BCKDHB: variants seen among roughly 807,000 people sequenced by gnomAD.
The protein encoded by BCKDHB is branched chain keto acid dehydrogenase E1 subunit beta, also known as 2-oxoisovalerate dehydrogenase subunit beta, mitochondrial.
BCKDHB carries 41 observed loss-of-function variants against 48.5 expected under a neutral mutation model. That is an observed-to-expected ratio of 0.85 (90% CI 0.66 to 1.10). The LOEUF (loss-of-function observed/expected upper bound fraction) is 1.10. Ranked by LOEUF, BCKDHB falls within the 50% of genes least tolerant of loss-of-function variation. The probability of loss-of-function intolerance (pLI) is 0.00; values close to 1 mark genes in which losing one functional copy is unlikely to be tolerated. For synonymous variants in BCKDHB, 201 were observed against 174.8 expected (o/e 1.15, Z -1.18); for missense variants, 496 against 494.2 (o/e 1.00, Z -0.03).
rs975166816 is a variant in BCKDHB, at chr6:80,345,000, A to C, written c.*1196A>C. The C allele has an allele frequency of 1.3e-5, 2 of 152,190 alleles. No homozygotes were observed. Among genetic ancestry groups the C allele is most frequent in the Middle Eastern group, 3.2e-3 (1 of 316 alleles). 9.4% of individuals were successfully genotyped at this position (152,190 alleles called of 1,614,324 possible). Reference sequence around the variant, plus strand: ...AAATTTTACCTGAAAACAAACAAACAAACCCTAAAACTCAGCACCACTACC... The same window carrying C: ...AAATTTTACCTGAAAACAAACAAACCAACCCTAAAACTCAGCACCACTACC... On this transcript the variant is annotated 3_prime_UTR_variant, in exon 10 of 10. Coordinates refer to ENST00000320393, the MANE Select transcript of BCKDHB (RefSeq NM_183050.4).
At chr6:80,377,585 C>T in the BCKDHB span, among the ~76,000 whole-genome samples, 1 of 152,120 alleles carries the variant, frequency 6.6e-6, no homozygotes, top group African/African-American at 2.4e-5. Flanking sequence ...TATTTCACCA[C>T]CATTTCTTTC....
intron 6 of BCKDHB, among the ~76,000 whole-genome samples, chr6:80,199,802 G>A (rs1477050183): frequency 7.5e-6 from 1 of 133,172 alleles, no homozygotes. Context: ...AAAAAAGGCC[G>A]GGCACATGCC....
At chr6:80,376,098 T>C in the BCKDHB span, among the ~76,000 whole-genome samples, 1 of 152,114 alleles carries the variant, frequency 6.6e-6, no homozygotes, top group Non-Finnish European at 1.5e-5. Context: ...TGTCTTCAGC[T>C]ACCAAGGTGG....
chr6:80,262,359 A>G (rs534086312), intron 8 of BCKDHB, among the ~76,000 whole-genome samples: 9 of 152,222 alleles, frequency 5.9e-5, no homozygotes, highest in African/African-American at 2.2e-4. Context: ...TGACCGTGGT[A>G]ACACACAAAC....
rs1001490050 is a variant in BCKDHB, at chr6:80,175,388, A to C, written c.742+3998A>C. 3.3e-5 allele frequency among the ~76,000 whole-genome samples: 5 copies of C among 152,330 alleles called. No individual in the cohort carries two copies. In the East Asian group the frequency reaches 9.6e-4, roughly 29 times the overall value. On this transcript the variant is annotated intron_variant, in intron 6 of 9. Coordinates refer to ENST00000320393, the MANE Select transcript of BCKDHB (RefSeq NM_183050.4). ...CTAACTAAAAATGTTATTATTACACAATGACAGGAAATGGATATTGAGGGA... is the reference window on the plus strand; with the variant it reads ...CTAACTAAAAATGTTATTATTACACCATGACAGGAAATGGATATTGAGGGA...
the BCKDHB span, among the ~76,000 whole-genome samples, chr6:80,386,665 C>T: frequency 6.0e-3 from 907 of 152,298 alleles, 9 homozygotes; most frequent in African/African-American, 0.02. Flanking sequence ...CTGTGATTGA[C>T]AGCAGAGGTA....
intron 8 of BCKDHB, among the ~76,000 whole-genome samples, chr6:80,236,604 A>G (rs1005501862): frequency 2.0e-5 from 3 of 152,214 alleles, no homozygotes; most frequent in African/African-American, 7.2e-5. Flanking sequence ...TCCTTACATT[A>G]GCAGAGGTAG....
intron 6 of BCKDHB, among the ~76,000 whole-genome samples, chr6:80,196,613 A>G (rs1345319184): frequency 1.3e-5 from 2 of 152,218 alleles, no homozygotes; most frequent in Non-Finnish European, 2.9e-5. Flanking sequence ...CAACTATTCA[A>G]TGAAAAATGT....
At chr6:80,365,412 G>T in the BCKDHB span, among the ~76,000 whole-genome samples, 3 of 151,860 alleles carry the variant, frequency 2.0e-5, no homozygotes, top group African/African-American at 7.3e-5. Context: ...TTCCCAGAGG[G>T]TCTCCCCCCA....
At chr6:80,444,998 C>A in the BCKDHB span, among the ~76,000 whole-genome samples, 3 of 152,142 alleles carry the variant, frequency 2.0e-5, no homozygotes, top group East Asian at 1.9e-4. Context: ...TTGTGGCTGT[C>A]TATAGAAATG....
intron 8 of BCKDHB, among the ~76,000 whole-genome samples, chr6:80,266,417 T>G (rs1197312925): frequency 1.3e-5 from 2 of 152,090 alleles, no homozygotes; most frequent in Non-Finnish European, 2.9e-5. Flanking sequence ...GGCAAAAAAC[T>G]TTTGAAAGCA....
At position 80,197,558 on chromosome 6, in the gene BCKDHB, C is replaced by T. The variant is rs78557123; in HGVS notation, c.743-3376C>T. Among the ~76,000 whole-genome samples, 5 of 152,218 alleles carry T rather than the reference C, an allele frequency of 3.3e-5. No homozygotes were observed. The East Asian group carries it at 9.7e-4, about 29-fold the overall frequency. ...AAAGGAAATGGGCCAAGATGCCAAC[C>T]CATTTCTTGTGGTCTGCCAGCCCTT... On this transcript the variant is annotated intron_variant, in intron 6 of 9. Transcript: ENST00000320393.
intron 3 of BCKDHB, among the ~76,000 whole-genome samples, chr6:80,138,130 T>G (rs1394893336): frequency 1.3e-5 from 2 of 151,950 alleles, no homozygotes; most frequent in African/African-American, 4.8e-5. Flanking sequence ...TATTTCCATG[T>G]AATGTGGACA....
chr6:80,131,879 G>T (rs1325323667), intron 3 of BCKDHB, among the ~76,000 whole-genome samples: 1 of 152,004 alleles, frequency 6.6e-6, no homozygotes, highest in African/African-American at 2.4e-5. Context: ...CTGACCTTGT[G>T]ATCCACCTGC....
the BCKDHB span, among the ~76,000 whole-genome samples, chr6:80,456,780 A>T: frequency 6.6e-6 from 1 of 152,164 alleles, no homozygotes; most frequent in South Asian, 2.1e-4. Flanking sequence ...TCCTTGAGGG[A>T]TTCTTATGCT....
At chr6:80,108,461 C>T (rs183690093) in intron 1 of BCKDHB, among the ~76,000 whole-genome samples, 2 of 149,618 alleles carry the variant, frequency 1.3e-5, no homozygotes, top group Non-Finnish European at 1.5e-5. Flanking sequence ...AAAATGATAT[C>T]ATGTTATCAT....
intron 8 of BCKDHB, among the ~76,000 whole-genome samples, chr6:80,228,986 G>C (rs2127881028): frequency 6.6e-6 from 1 of 152,252 alleles, no homozygotes; most frequent in Non-Finnish European, 1.5e-5. Context: ...AGCAAGGACT[G>C]GCCACTGAAA....
intron 8 of BCKDHB, among the ~76,000 whole-genome samples, chr6:80,208,982 T>C (rs1255216423): frequency 6.6e-6 from 1 of 151,834 alleles, no homozygotes; most frequent in Non-Finnish European, 1.5e-5. Flanking sequence ...GCTTTTAAAA[T>C]AAATGTAGAG....
At chr6:80,437,073 C>T in the BCKDHB span, among the ~76,000 whole-genome samples, 1 of 152,042 alleles carries the variant, frequency 6.6e-6, no homozygotes, top group African/African-American at 2.4e-5. Context: ...TTTTAATTAA[C>T]TTAGTGTTTA....
Sources: allele counts gnomAD v4.1 joint callset (sites outside exome capture counted in the v4.1 genomes callset), GRCh38; gene constraint gnomAD v4.1.1; transcripts MANE v1.5; gene names NCBI Gene and HGNC (gene_info 2026-07-23, HGNC 2026-07-21).